The following ARL15 variants were observed in gnomAD, a reference collection of about 807,000 sequenced individuals.
The protein encoded by ARL15 is ARF like GTPase 15.
A neutral mutation model predicts 25.2 loss-of-function variants in ARL15; 19 were observed. The ratio of observed to expected loss-of-function variants is 0.75; its 90% CI spans 0.53 to 1.10. The LOEUF (loss-of-function observed/expected upper bound fraction) is 1.10. Among genes scored for constraint, ARL15 ranks in the 50% least tolerant of loss-of-function variants. The probability of loss-of-function intolerance (pLI) is 0.00; values close to 1 mark genes in which losing one functional copy is unlikely to be tolerated. For missense variants in ARL15, 220 were observed against 246.0 expected, an observed-to-expected ratio of 0.89 and a Z score of 0.71; for synonymous variants, 94 against 86.8, an observed-to-expected ratio of 1.08 and a Z score of -0.46.
At chr5:54,279,406 T>C (rs1414580891) in intron 1 of ARL15, among the ~76,000 whole-genome samples, 3 of 152,206 alleles carry the variant, frequency 2.0e-5, no homozygotes, top group Non-Finnish European at 4.4e-5. Flanking sequence ...GAGGGATCTC[T>C]TCCTGGCTTA....
chr5:54,170,433 A>G (rs1022630556), intron 2 of ARL15, among the ~76,000 whole-genome samples: 2 of 152,196 alleles, frequency 1.3e-5, no homozygotes, highest in Non-Finnish European at 1.5e-5. Flanking sequence ...TCTCTGCACT[A>G]TCTACACGAA....
intron 4 of ARL15, among the ~76,000 whole-genome samples, chr5:54,097,703 T>C (rs1164679775): frequency 6.6e-6 from 1 of 152,216 alleles, no homozygotes; most frequent in Non-Finnish European, 1.5e-5. Context: ...AGCCATCTTT[T>C]TCATCTAAAA....
At chr5:53,990,925 G>A (rs1464565080) in intron 4 of ARL15, among the ~76,000 whole-genome samples, 3 of 151,844 alleles carry the variant, frequency 2.0e-5, no homozygotes, top group Non-Finnish European at 4.4e-5. Flanking sequence ...GCCTTTTGTG[G>A]CTTATTCCGA....
intron 4 of ARL15, among the ~76,000 whole-genome samples, chr5:53,892,236 G>A (rs954142203): frequency 8.5e-5 from 13 of 152,144 alleles, no homozygotes; most frequent in African/African-American, 3.1e-4. Flanking sequence ...AGAAATAAAG[G>A]CACATTCTCC....
In ARL15 at chr5:53,998,737, G is replaced by T. The variant is rs148425231; in HGVS notation, c.463-112024C>A. Among the ~76,000 whole-genome samples the T allele has an allele frequency of 4.2e-3, 645 of 152,316 alleles. 9 individuals carry two copies. Among genetic ancestry groups the T allele is most frequent in the African/African-American group, 0.015 (618 of 41,570 alleles). ...ATCAGCTTGTTACTTACTGAGCTGT[G>T]TTCCAGGCACTGTACTACATGCAGC... On this transcript the variant is annotated intron_variant, in intron 4 of 4. Transcript: ENST00000504924.
At chr5:54,015,222 G>A (rs1185409010) in intron 4 of ARL15, among the ~76,000 whole-genome samples, 3 of 151,406 alleles carry the variant, frequency 2.0e-5, no homozygotes, top group Non-Finnish European at 4.4e-5. Context: ...AACCTAGGAG[G>A]CAGAAGTTGC....
chr5:54,140,237 C>T (rs1324417265), intron 3 of ARL15, among the ~76,000 whole-genome samples: 1 of 122,510 alleles, frequency 8.2e-6, no homozygotes, highest in Non-Finnish European at 1.6e-5. Context: ...TATCTAAATA[C>T]ATTTAGAAGA....
chr5:54,280,517 G>A (rs1226181982), intron 1 of ARL15, among the ~76,000 whole-genome samples: 3 of 152,116 alleles, frequency 2.0e-5, no homozygotes, highest in African/African-American at 7.2e-5. Flanking sequence ...ATACAGCTAT[G>A]GAGCATTTGC....
intron 1 of ARL15, among the ~76,000 whole-genome samples, chr5:54,224,472 T>A (rs1561273761): frequency 1.3e-5 from 2 of 152,176 alleles, no homozygotes; most frequent in Non-Finnish European, 2.9e-5. Context: ...ACTGATTAAT[T>A]GATTTCACAT....
chr5:54,246,775 CTT>C (rs1757094572), intron 1 of ARL15, among the ~76,000 whole-genome samples: 2 of 149,638 alleles, frequency 1.3e-5, no homozygotes, highest in African/African-American at 4.9e-5. Flanking sequence ...GGCAAAACCT[CTT>C]TTTATATACA....
intron 1 of ARL15, among the ~76,000 whole-genome samples, chr5:54,295,527 C>T (rs1040652578): frequency 6.6e-6 from 1 of 152,070 alleles, no homozygotes. Context: ...AACCTAGGAG[C>T]AATCGCGTGA....
intron 3 of ARL15, among the ~76,000 whole-genome samples, chr5:54,117,274 A>G (rs969292204): frequency 6.6e-6 from 1 of 152,012 alleles, no homozygotes; most frequent in Non-Finnish European, 1.5e-5. Flanking sequence ...GGACACCTGG[A>G]AATTCAACTT....
chr5:54,211,082 C>T (rs553355172), intron 1 of ARL15, among the ~76,000 whole-genome samples: 1 of 152,106 alleles, frequency 6.6e-6, no homozygotes, highest in Non-Finnish European at 1.5e-5. Flanking sequence ...TTTTATTGTT[C>T]AAAAGACAGA....
chr5:53,971,428 C>T (rs1747745141), intron 4 of ARL15, among the ~76,000 whole-genome samples: 1 of 152,098 alleles, frequency 6.6e-6, no homozygotes, highest in African/African-American at 2.4e-5. Context: ...ACCAGTTTTC[C>T]AATTAGACAA....
At chr5:54,080,494 A>G (rs1751764318) in intron 4 of ARL15, among the ~76,000 whole-genome samples, 1 of 152,168 alleles carries the variant, frequency 6.6e-6, no homozygotes, top group Non-Finnish European at 1.5e-5. Context: ...TTTTGCTTGT[A>G]TCATGTTCTC....
intron 1 of ARL15, among the ~76,000 whole-genome samples, chr5:54,214,969 A>G (rs555658949): frequency 6.6e-6 from 1 of 152,088 alleles, no homozygotes; most frequent in Admixed American, 6.5e-5. Context: ...GTTACTCCAG[A>G]GTAACAACAT....
chr5:54,210,947 C>T (rs554550468), intron 1 of ARL15, among the ~76,000 whole-genome samples: 4 of 152,260 alleles, frequency 2.6e-5, no homozygotes, highest in Non-Finnish European at 5.9e-5. Flanking sequence ...AAAACCAGCA[C>T]AATTACTACC....
intron 4 of ARL15, among the ~76,000 whole-genome samples, chr5:53,928,042 C>A (rs1054970620): frequency 2.0e-5 from 3 of 152,184 alleles, no homozygotes; most frequent in African/African-American, 7.2e-5. Context: ...GTAGGAGGCA[C>A]TGCATAAATG....
chr5:53,947,509 T>C (rs1746788175), intron 4 of ARL15, among the ~76,000 whole-genome samples: 1 of 152,156 alleles, frequency 6.6e-6, no homozygotes, highest in Non-Finnish European at 1.5e-5. Flanking sequence ...CAGAGATATA[T>C]CTGTGAATAT....
Sources: allele counts gnomAD v4.1 joint callset (sites outside exome capture counted in the v4.1 genomes callset), GRCh38; gene constraint gnomAD v4.1.1; transcripts MANE v1.5; gene names NCBI Gene and HGNC (gene_info 2026-07-23, HGNC 2026-07-21).